DHRS13: variants seen among roughly 807,000 people sequenced by gnomAD.
The protein encoded by DHRS13 is dehydrogenase/reductase 13.
DHRS13 carries 22 observed loss-of-function variants against 17.9 expected under a neutral mutation model. The observed-to-expected ratio is 1.23, with a 90% CI of 0.88 to 1.75. DHRS13 has a LOEUF of 1.75. DHRS13 is among the 40% of genes most tolerant of loss of function. The probability of loss-of-function intolerance (pLI) is 0.00; values close to 1 mark genes in which losing one functional copy is unlikely to be tolerated. For missense variants in DHRS13, 483 were observed against 519.9 expected, an observed-to-expected ratio of 0.93 and a Z score of 0.69; for synonymous variants, 206 against 220.4, an observed-to-expected ratio of 0.93 and a Z score of 0.58.
Position 28,898,208 on chromosome 17 carries a change from G to A in DHRS13, c.*233C>T, listed in dbSNP as rs2039775286. 3.7e-6 allele frequency: 2 copies of A among 542,528 alleles called. No individual in the cohort carries two copies. The highest frequency in any genetic ancestry group is 7.4e-5 in the Admixed American group (2 of 26,862). 33.6% of individuals were successfully genotyped at this position (542,528 alleles called of 1,614,324 possible). A position where few individuals can be genotyped will look rare whatever the true frequency, so the allele number is the denominator to read the frequency against. On this transcript the variant is annotated 3_prime_UTR_variant, in exon 5 of 5. Transcript: ENST00000378895. ...TACATCCAAATTTCCGAGAAGCACA[G>A]TGTCTAGCATACCCCTATCTCTCCA...
At position 28,901,354 on chromosome 17, in the gene DHRS13, T is replaced by C. The variant is rs1285867307; in HGVS notation, c.371-53A>G. On this transcript the variant is annotated intron_variant, in intron 3 of 4. Coordinates refer to ENST00000378895, the MANE Select transcript of DHRS13 (RefSeq NM_144683.4). The surrounding 1 kb of genome is among the most constrained non-coding windows in gnomAD (Gnocchi z 4.3). ...TGCTCCAGAAGGAGCTCTGCAGCCTTGGCATCCCTATCTATGAGATGGGAG... is the reference window on the plus strand; with the variant it reads ...TGCTCCAGAAGGAGCTCTGCAGCCTCGGCATCCCTATCTATGAGATGGGAG... 4 of 1,581,616 alleles carry C rather than the reference T, an allele frequency of 2.5e-6. No individual in the cohort carries two copies. Among genetic ancestry groups the C allele is most frequent in the Non-Finnish European group, 2.6e-6 (3 of 1,162,526 alleles).
chr17:28,900,337 C>A (rs1259605812), intron 4 of DHRS13, among the ~76,000 whole-genome samples: 1 of 152,212 alleles, frequency 6.6e-6, no homozygotes, highest in Non-Finnish European at 1.5e-5. Context: ...CCCCTCTGCA[C>A]TTATTATTTG....
rs775023116 is a variant in DHRS13, at chr17:28,902,858, G to A, written c.87C>T (p.Gly29=). The A allele has an allele frequency of 6.5e-7, 1 of 1,550,268 alleles. No individual in the cohort carries two copies. Among genetic ancestry groups the A allele is most frequent in the South Asian group, 1.2e-5 (1 of 86,856 alleles). The change falls in exon 1 of 5, where the codon GGC becomes GGT. Residue 29 remains glycine, a synonymous_variant. Transcript: ENST00000378895. This position sits in a 1 kb window ranked among gnomAD's most constrained non-coding sequence, Gnocchi z 4.0. ...YYNLVKAPPC[G]GMGNLRGRTA... ...TGCGGCCCCGCAGGTTGCCCATGCC[G>A]CCGCACGGCGGGGCCTTCACCAGGT...
Position 28,898,250 on chromosome 17 carries a change from C to G in DHRS13, c.*191G>C. On this transcript the variant is annotated 3_prime_UTR_variant, in exon 5 of 5. Coordinates refer to ENST00000378895, the MANE Select transcript of DHRS13 (RefSeq NM_144683.4). ...ATCTCTCCATCTGGGGTTACTGTCACTCTCAGGAAGAAATAATCACCCATT... is the reference window on the plus strand; with the variant it reads ...ATCTCTCCATCTGGGGTTACTGTCAGTCTCAGGAAGAAATAATCACCCATT... 4.8e-6 allele frequency: 3 copies of G among 618,860 alleles called. No homozygotes were observed. The East Asian group carries it at 8.7e-5, about 18-fold the overall frequency. 38.3% of individuals were successfully genotyped at this position (618,860 alleles called of 1,614,324 possible).
chr17:28,902,594 C>A lies in DHRS13; in HGVS notation c.235G>T (p.Asp79Tyr). 1 of 1,478,232 alleles carries A rather than the reference C, an allele frequency of 6.8e-7. No individual in the cohort carries two copies. The highest frequency in any genetic ancestry group is 1.3e-5 in the South Asian group (1 of 78,126). The allele number at this position is 1,478,232 out of a possible 1,614,324, so 91.6% of individuals were successfully genotyped here. The change falls in exon 2 of 5, where the codon GAC becomes TAC. Residue 79 changes from aspartate to tyrosine, a missense_variant. By Grantham distance (160) the Asp-to-Tyr change is radical. Transcript: ENST00000378895. The surrounding 1 kb of genome is among the most constrained non-coding windows in gnomAD (Gnocchi z 4.0). ...SQERGEAAAFDLRQESGNNEV... is the reference protein window; with the variant it reads ...SQERGEAAAFYLRQESGNNEV... ...CCGCTGCCTCTCACCTGGCGGAGGT[C>A]GAAGGCAGCCGCCTCCCCGCGCTCC...
chr17:28,899,031 G>T lies in DHRS13; in HGVS notation c.683-139C>A. 1 of 693,594 alleles carries T rather than the reference G, an allele frequency of 1.4e-6. No individual in the cohort carries two copies. Among genetic ancestry groups the T allele is most frequent in the East Asian group, 3.1e-5 (1 of 32,560 alleles). The allele number at this position is 693,594 out of a possible 1,614,324, so 43.0% of individuals were successfully genotyped here. A position where few individuals can be genotyped will look rare whatever the true frequency, so the allele number is the denominator to read the frequency against. Reference sequence around the variant, plus strand: ...AGACTGGGCAACATAGTCAAGCTCTGTCTCTTTAAAAAAAAAAACAACAAC... The same window carrying T: ...AGACTGGGCAACATAGTCAAGCTCTTTCTCTTTAAAAAAAAAAACAACAAC... On this transcript the variant is annotated intron_variant, in intron 4 of 4. Coordinates refer to ENST00000378895, the MANE Select transcript of DHRS13 (RefSeq NM_144683.4). This position sits in a 1 kb window ranked among gnomAD's most constrained non-coding sequence, Gnocchi z 4.7.
Position 28,902,862 on chromosome 17 carries a change from C to T in DHRS13, c.83G>A (p.Cys28Tyr). The change falls in exon 1 of 5, where the codon TGC becomes TAC. Residue 28 changes from cysteine to tyrosine, a missense_variant. Cys to Tyr is a radical substitution (Grantham distance 194, BLOSUM62 -2). Coordinates refer to ENST00000378895, the MANE Select transcript of DHRS13 (RefSeq NM_144683.4). This position sits in a 1 kb window ranked among gnomAD's most constrained non-coding sequence, Gnocchi z 4.0. ...VYYNLVKAPP[C>Y]GGMGNLRGRT... is the part of the protein sequence containing the mutation. ...GCCCCGCAGGTTGCCCATGCCGCCG[C>T]ACGGCGGGGCCTTCACCAGGTTGTA... is the stretch of plus-strand genomic sequence containing the variant. The T allele has an allele frequency of 6.4e-7, 1 of 1,550,874 alleles. No individual in the cohort carries two copies. The highest frequency in any genetic ancestry group is 8.6e-7 in the Non-Finnish European group (1 of 1,156,914).
At position 28,902,477 on chromosome 17, in the gene DHRS13, C is replaced by A. The variant is rs1002949638; in HGVS notation, c.246+106G>T. ...CCTCTTCGCGCTCAGCCGCCCGCGC[C>A]GCGCTCTCCTCCCTGGACCCGGATC... On this transcript the variant is annotated intron_variant, in intron 2 of 4. Transcript: ENST00000378895. This position sits in a 1 kb window ranked among gnomAD's most constrained non-coding sequence, Gnocchi z 4.0. 4.4e-5 allele frequency: 52 copies of A among 1,179,670 alleles called. No individual in the cohort carries two copies. Among genetic ancestry groups the A allele is most frequent in the Non-Finnish European group, 5.8e-5 (52 of 904,216 alleles). 73.1% of individuals were successfully genotyped at this position (1,179,670 alleles called of 1,614,324 possible). A position where few individuals can be genotyped will look rare whatever the true frequency, so the allele number is the denominator to read the frequency against.
chr17:28,898,738 C>T lies in DHRS13; in HGVS notation c.837G>A (p.Gly279=), dbSNP rs2039781924. The T allele has an allele frequency of 1.2e-6, 2 of 1,613,856 alleles. No individual in the cohort carries two copies. The highest frequency in any genetic ancestry group is 2.7e-5 in the African/African-American group (2 of 74,940). Residue 279 remains glycine (G), a synonymous_variant, in exon 5 of 5, where the codon GGG becomes GGA. Coordinates refer to ENST00000378895, the MANE Select transcript of DHRS13 (RefSeq NM_144683.4). ...ALQEGIEPLS[G]RYFANCHVEE... is the part of the protein sequence containing the mutation. ...CCACATGGCAGTTGGCAAAATATCTCCCACTGAGGGGCTCGATGCCCTCTT... is the reference window on the plus strand; with the variant it reads ...CCACATGGCAGTTGGCAAAATATCTTCCACTGAGGGGCTCGATGCCCTCTT...
intron 4 of DHRS13, among the ~76,000 whole-genome samples, chr17:28,900,498 C>A (rs2039797015): frequency 1.3e-5 from 2 of 152,182 alleles, no homozygotes; most frequent in African/African-American, 4.8e-5. Context: ...TTCCTCAGAG[C>A]ACTCTATCAC....
In DHRS13 at chr17:28,898,327, AAGTAACCACGG is replaced by A; in HGVS notation, c.*103_*113del. The A allele has an allele frequency of 7.8e-7, 1 of 1,279,480 alleles. No homozygotes were observed. The highest frequency in any genetic ancestry group is 1.1e-6 in the Non-Finnish European group (1 of 933,124). The allele number at this position is 1,279,480 out of a possible 1,614,324, so 79.3% of individuals were successfully genotyped here. On this transcript the variant is annotated 3_prime_UTR_variant, in exon 5 of 5. Coordinates refer to ENST00000378895, the MANE Select transcript of DHRS13 (RefSeq NM_144683.4). ...CCAGGGCACAGCTTGGGGCCCCAGA[AAGTAACCACGG>A]AGGTCAAGATCACAAACCCGTCAGT...
chr17:28,902,840 C>T lies in DHRS13; in HGVS notation c.105G>A (p.Arg35=). 1 of 1,546,336 alleles carries T rather than the reference C, an allele frequency of 6.5e-7. No individual in the cohort carries two copies. The highest frequency in any genetic ancestry group is 8.7e-7 in the Non-Finnish European group (1 of 1,154,844). ...CACCCGTGACCACGGCCGTGCGGCCCCGCAGGTTGCCCATGCCGCCGCACG... is the reference window on the plus strand; with the variant it reads ...CACCCGTGACCACGGCCGTGCGGCCTCGCAGGTTGCCCATGCCGCCGCACG... The part of the protein sequence containing the change: ...APPCGGMGNL[R]GRTAVVTGAN... The change falls in exon 1 of 5, where the codon CGG becomes CGA. Residue 35 remains arginine, a synonymous_variant. Coordinates refer to ENST00000378895, the MANE Select transcript of DHRS13 (RefSeq NM_144683.4). This position sits in a 1 kb window ranked among gnomAD's most constrained non-coding sequence, Gnocchi z 4.0.
rs1235060082 is a variant in DHRS13, at chr17:28,899,908, TTTTTTTC to T, written c.683-1023_683-1017del. 6.6e-6 allele frequency among the ~76,000 whole-genome samples: 1 copy of T among 151,262 alleles called. No individual in the cohort carries two copies. Among genetic ancestry groups the T allele is most frequent in the Non-Finnish European group, 1.5e-5 (1 of 67,894 alleles). ...TTTGTAGTAGAGACAGGTTTTCTTT[TTTTTTTC>T]TTTTTTCTTTTTTTTTGAGATGGAG... On this transcript the variant is annotated intron_variant, in intron 4 of 4. Coordinates refer to ENST00000378895, the MANE Select transcript of DHRS13 (RefSeq NM_144683.4). This position sits in a 1 kb window ranked among gnomAD's most constrained non-coding sequence, Gnocchi z 4.7.
chr17:28,901,942 A>G lies in DHRS13; in HGVS notation c.247-326T>C. 1 of 249,580 alleles carries G rather than the reference A, an allele frequency of 4.0e-6. No individual in the cohort carries two copies. The highest frequency in any genetic ancestry group is 7.8e-6 in the Non-Finnish European group (1 of 128,774). The allele number at this position is 249,580 out of a possible 1,614,324, so 15.5% of individuals were successfully genotyped here. On this transcript the variant is annotated intron_variant, in intron 2 of 4. Transcript: ENST00000378895. The surrounding 1 kb of genome is among the most constrained non-coding windows in gnomAD (Gnocchi z 4.3). ...TACACTCTAGCAGCACTGGGTAGGT[A>G]CTTGCTATTATTATTATCACCTCCT... is the stretch of plus-strand genomic sequence containing the variant.
Position 28,902,925 on chromosome 17 carries a change from C to A in DHRS13, c.20G>T (p.Gly7Val). 6.5e-7 allele frequency: 1 copy of A among 1,548,050 alleles called. No individual in the cohort carries two copies. Among genetic ancestry groups the A allele is most frequent in the Non-Finnish European group, 8.7e-7 (1 of 1,155,134 alleles). Residue 7 changes from glycine (G) to valine (V), a missense_variant, in exon 1 of 5, where the codon GGC becomes GTC. Coordinates refer to ENST00000378895, the MANE Select transcript of DHRS13 (RefSeq NM_144683.4). The surrounding 1 kb of genome is among the most constrained non-coding windows in gnomAD (Gnocchi z 4.0). MEALLL[G>V]AGLLLGAYVL... is the part of the protein sequence containing the mutation. ...GTAAGCGCCCAGCAGCAACCCCGCGCCCAGCAGCAGCGCCTCCATGCCGGC... is the reference window on the plus strand; with the variant it reads ...GTAAGCGCCCAGCAGCAACCCCGCGACCAGCAGCAGCGCCTCCATGCCGGC...
Position 28,898,662 on chromosome 17 carries a change from C to G in DHRS13, c.913G>C (p.Glu305Gln). The G allele has an allele frequency of 6.2e-7, 1 of 1,613,724 alleles. No homozygotes were observed. The highest frequency in any genetic ancestry group is 8.5e-7 in the Non-Finnish European group (1 of 1,179,840). The change falls in exon 5 of 5, where the codon GAG becomes CAG. Residue 305 changes from glutamate (E) to glutamine (Q), a missense_variant. Glu to Gln is a conservative substitution (Grantham distance 29, BLOSUM62 2). Coordinates refer to ENST00000378895, the MANE Select transcript of DHRS13 (RefSeq NM_144683.4). ...RDDRAAHRLW[E>Q]ASKRLAGLGP... is the part of the protein sequence containing the mutation. ...AGCCCTGCCAGCCTCTTGCTGGCCTCCCATAGCCGATGGGCTGCCCGGTCG... is the reference window on the plus strand; with the variant it reads ...AGCCCTGCCAGCCTCTTGCTGGCCTGCCATAGCCGATGGGCTGCCCGGTCG...
At position 28,901,391 on chromosome 17, in the gene DHRS13, C is replaced by T; in HGVS notation, c.371-90G>A. Reference sequence around the variant, plus strand: ...CTATGAGATGGGAGAAGGGGGCATCCTTCCCATGTGTCCACTGGCCCCAGC... The same window carrying T: ...CTATGAGATGGGAGAAGGGGGCATCTTTCCCATGTGTCCACTGGCCCCAGC... On this transcript the variant is annotated intron_variant, in intron 3 of 4. Coordinates refer to ENST00000378895, the MANE Select transcript of DHRS13 (RefSeq NM_144683.4). This position sits in a 1 kb window ranked among gnomAD's most constrained non-coding sequence, Gnocchi z 4.3. The T allele has an allele frequency of 1.3e-6, 2 of 1,592,736 alleles. No homozygotes were observed. The highest frequency in any genetic ancestry group is 1.7e-6 in the Non-Finnish European group (2 of 1,168,962).
Position 28,899,209 on chromosome 17 carries a change from C to T in DHRS13, c.683-317G>A, listed in dbSNP as rs1027135184. 3 of 252,768 alleles carry T rather than the reference C, an allele frequency of 1.2e-5. No individual in the cohort carries two copies. The highest frequency in any genetic ancestry group is 2.3e-5 in the Non-Finnish European group (3 of 132,808). 15.7% of individuals were successfully genotyped at this position (252,768 alleles called of 1,614,324 possible). ...GCTTCCATCCAGACTGCTTGTTCACCCCACATCCCAGATTTTGTTCATGCT... is the reference window on the plus strand; with the variant it reads ...GCTTCCATCCAGACTGCTTGTTCACTCCACATCCCAGATTTTGTTCATGCT... On this transcript the variant is annotated intron_variant, in intron 4 of 4. Transcript: ENST00000378895. The surrounding 1 kb of genome is among the most constrained non-coding windows in gnomAD (Gnocchi z 4.7).
Position 28,902,844 on chromosome 17 carries a change from A to C in DHRS13, c.101T>G (p.Leu34Arg), listed in dbSNP as rs781230594. The C allele has an allele frequency of 6.5e-7, 1 of 1,549,502 alleles. No homozygotes were observed. Among genetic ancestry groups the C allele is most frequent in the Non-Finnish European group, 8.6e-7 (1 of 1,156,314 alleles). Residue 34 changes from leucine to arginine, a missense_variant, in exon 1 of 5, where the codon CTG becomes CGG. Transcript: ENST00000378895. This position sits in a 1 kb window ranked among gnomAD's most constrained non-coding sequence, Gnocchi z 4.0. ...CGTGACCACGGCCGTGCGGCCCCGC[A>C]GGTTGCCCATGCCGCCGCACGGCGG... Reference protein sequence around the residue: ...KAPPCGGMGNLRGRTAVVTGA... With the variant: ...KAPPCGGMGNRRGRTAVVTGA...
Sources: allele counts gnomAD v4.1 joint callset (sites outside exome capture counted in the v4.1 genomes callset), GRCh38; gene constraint gnomAD v4.1.1; non-coding constraint Gnocchi (gnomAD v3.1); transcripts MANE v1.5; gene names NCBI Gene and HGNC (gene_info 2026-07-23, HGNC 2026-07-21).